The following SPTLC3 variants were observed in gnomAD, a reference collection of about 807,000 sequenced individuals.
SPTLC3 encodes the protein serine palmitoyltransferase 3.
In SPTLC3, 36 loss-of-function variants were observed where a neutral mutation model predicts 59.3. That is an observed-to-expected ratio of 0.61 (90% confidence interval 0.47 to 0.80). The LOEUF is 0.80. Among genes scored for constraint, SPTLC3 ranks in the 30% least tolerant of loss-of-function variants. The pLI, the probability that SPTLC3 is intolerant of heterozygous loss-of-function variation, is 0.00. For missense variants in SPTLC3, 625 were observed against 685.1 expected (o/e 0.91, Z 0.98); for synonymous variants, 257 against 240.8 (o/e 1.07, Z -0.62).
chr20:13,068,227 G>C (rs899001452), intron 2 of SPTLC3, among the ~76,000 whole-genome samples: 2 of 152,044 alleles, frequency 1.3e-5, no homozygotes, highest in African/African-American at 4.8e-5. Flanking sequence ...GTCTTTTTAG[G>C]TTTAACTCAC....
At chr20:13,091,020 G>T (rs1989194318) in intron 4 of SPTLC3, 63 bp from the exon 5 acceptor site, 3 of 1,596,190 alleles carry the variant, frequency 1.9e-6, no homozygotes, top group South Asian at 1.1e-5. Flanking sequence ...ACTGGAATTT[G>T]AGTTTTCAAT....
chr20:13,149,369 C>A (rs2038592114), intron 9 of SPTLC3, among the ~76,000 whole-genome samples: 3 of 152,236 alleles, frequency 2.0e-5, no homozygotes, highest in Admixed American at 1.3e-4. Flanking sequence ...TTTTGCAAAT[C>A]ACTCTTCAAG....
intron 1 of SPTLC3, among the ~76,000 whole-genome samples, chr20:13,037,148 T>C (rs1266772776): frequency 6.8e-6 from 1 of 147,588 alleles, no homozygotes; most frequent in Non-Finnish European, 1.5e-5. Flanking sequence ...ACATTTTCCA[T>C]TTTTTACCAA....
chr20:13,117,933 G>A (rs1990657618), intron 8 of SPTLC3, among the ~76,000 whole-genome samples: 1 of 152,178 alleles, frequency 6.6e-6, no homozygotes, highest in African/African-American at 2.4e-5. Context: ...CATGTGATGA[G>A]TGATCACACT....
chr20:13,037,295 A>C (rs974136070), intron 1 of SPTLC3, among the ~76,000 whole-genome samples: 12 of 152,146 alleles, frequency 7.9e-5, no homozygotes, highest in African/African-American at 2.9e-4. Flanking sequence ...TCTTGGACTA[A>C]TTATGCTTTA....
chr20:13,079,831 G>A (rs1988777558), intron 4 of SPTLC3: 1 of 462,476 alleles, frequency 2.2e-6, no homozygotes, highest in Admixed American at 2.4e-5. Context: ...GGCCACCCTG[G>A]TCATGGAAAA....
chr20:13,059,137 T>C (rs958871350), intron 2 of SPTLC3, among the ~76,000 whole-genome samples: 1 of 152,154 alleles, frequency 6.6e-6, no homozygotes, highest in African/African-American at 2.4e-5. Context: ...CAAAACATAG[T>C]TGTTTACATA....
At chr20:13,096,514 T>A (rs764817558) in intron 6 of SPTLC3, among the ~76,000 whole-genome samples, 11 of 151,808 alleles carry the variant, frequency 7.2e-5, no homozygotes, top group Non-Finnish European at 1.6e-4. Context: ...ATTTTAATTA[T>A]TTTGAGTGAA....
In SPTLC3 at chr20:13,160,132, G is replaced by A. The variant is rs374440014; in HGVS notation, c.1545G>A (p.Thr515=). ...SAAHTREMLD[T]VLEALDEMGD... ...CACATACCCGGGAGATGTTAGACAC[G>A]GTGAGTACACCACAGGCCAACGGGA... The change falls in exon 11 of 12, where the codon ACG becomes ACA. Residue 515 remains threonine, a splice_region_variant and synonymous_variant. Transcript: ENST00000399002. The A allele has an allele frequency of 1.5e-5, 24 of 1,613,538 alleles. No homozygotes were observed. The highest frequency in any genetic ancestry group is 8.9e-5 in the East Asian group (4 of 44,852).
At chr20:13,079,769 C>A (rs746530718) in intron 4 of SPTLC3, 4 of 470,074 alleles carry the variant, frequency 8.5e-6, no homozygotes, top group South Asian at 6.2e-5. Flanking sequence ...CTCATCCTGG[C>A]AGAATGCCCT....
intron 4 of SPTLC3, among the ~76,000 whole-genome samples, chr20:13,083,966 G>C (rs3848774): frequency 6.6e-6 from 1 of 152,006 alleles, no homozygotes; most frequent in East Asian, 1.9e-4. Flanking sequence ...AGTATCTAGC[G>C]TTCAAGCCAT....
chr20:13,145,049 A>G (rs941034133), intron 9 of SPTLC3, among the ~76,000 whole-genome samples: 1 of 152,142 alleles, frequency 6.6e-6, no homozygotes, highest in African/African-American at 2.4e-5. Context: ...TGCTGGGATT[A>G]CAGGTGTGAG....
chr20:13,113,871 TAGAGAA>T (rs1990384144), intron 7 of SPTLC3, among the ~76,000 whole-genome samples: 1 of 152,320 alleles, frequency 6.6e-6, no homozygotes, highest in South Asian at 2.1e-4. Flanking sequence ...AAGTGGCTGT[TAGAGAA>T]AGAAACTCAC....
intron 2 of SPTLC3, among the ~76,000 whole-genome samples, chr20:13,051,648 A>T (rs1265784499): frequency 6.6e-6 from 1 of 152,242 alleles, no homozygotes; most frequent in African/African-American, 2.4e-5. Flanking sequence ...TCTATTCAAC[A>T]GCACATGGAA....
intron 11 of SPTLC3, among the ~76,000 whole-genome samples, chr20:13,160,600 C>T (rs889597189): frequency 6.6e-6 from 1 of 152,198 alleles, no homozygotes; most frequent in Non-Finnish European, 1.5e-5. Flanking sequence ...TTTAAAATTG[C>T]CTTTTATTGT....
intron 9 of SPTLC3, among the ~76,000 whole-genome samples, chr20:13,138,762 G>T (rs1163522270): frequency 6.6e-6 from 1 of 152,132 alleles, no homozygotes; most frequent in Non-Finnish European, 1.5e-5. Context: ...TTTGATAAAT[G>T]CATGGTTTTA....
intron 10 of SPTLC3, among the ~76,000 whole-genome samples, chr20:13,154,729 G>T (rs1175054661): frequency 2.0e-5 from 3 of 152,082 alleles, no homozygotes; most frequent in African/African-American, 7.2e-5. Context: ...CCTGTTTGGG[G>T]GTTGTTTACT....
intron 8 of SPTLC3, among the ~76,000 whole-genome samples, chr20:13,125,419 T>C (rs572434197): frequency 5.0e-4 from 76 of 152,200 alleles, no homozygotes; most frequent in Non-Finnish European, 9.3e-4. Flanking sequence ...CCCACAAGCC[T>C]CTACTCAAAC....
At chr20:13,037,120 G>A (rs1986772346) in intron 1 of SPTLC3, among the ~76,000 whole-genome samples, 2 of 152,138 alleles carry the variant, frequency 1.3e-5, no homozygotes, top group African/African-American at 2.4e-5. Context: ...ACACAACAAT[G>A]TCTGGAGAAA....
Sources: gnomAD v4.1 joint callset for allele counts (sites outside exome capture counted in the v4.1 genomes callset) on GRCh38, gnomAD v4.1.1 for gene constraint, MANE v1.5 for transcripts, NCBI Gene and HGNC (gene_info 2026-07-23, HGNC 2026-07-21) for gene names.